Variants in PXDNL observed in about 807,000 individuals in gnomAD.
PXDNL encodes probable oxidoreductase PXDNL.
In PXDNL, 145 loss-of-function variants were observed where a neutral mutation model predicts 150.8. The ratio of observed to expected loss-of-function variants is 0.96; its 90% CI spans 0.84 to 1.10. The LOEUF (loss-of-function observed/expected upper bound fraction) is 1.10, where lower values mean the gene tolerates loss of function less well. Among genes scored for constraint, PXDNL ranks in the 50% least tolerant of loss-of-function variants. The probability of loss-of-function intolerance (pLI) is 0.00; values close to 1 mark genes in which losing one functional copy is unlikely to be tolerated. For missense variants in PXDNL, 2,087 were observed against 1,873.9 expected, an observed-to-expected ratio of 1.11 and a Z score of -2.10; for synonymous variants, 757 against 725.7, an observed-to-expected ratio of 1.04 and a Z score of -0.69.
chr8:51,758,600 C>A (rs2037128218), intron 1 of PXDNL, among the ~76,000 whole-genome samples: 1 of 152,102 alleles, frequency 6.6e-6, no homozygotes, highest in Non-Finnish European at 1.5e-5. Context: ...TTATGCTGTT[C>A]TTGTGATAGT....
At chr8:51,752,874 G>A (rs772419468) in intron 1 of PXDNL, among the ~76,000 whole-genome samples, 2 of 152,196 alleles carry the variant, frequency 1.3e-5, no homozygotes, top group African/African-American at 4.8e-5. Flanking sequence ...TATAAAGTCT[G>A]CTCACAGAGA....
At chr8:51,497,622 A>T (rs1344160099) in intron 5 of PXDNL, among the ~76,000 whole-genome samples, 6 of 152,360 alleles carry the variant, frequency 3.9e-5, no homozygotes, top group Admixed American at 3.9e-4. Context: ...TGGGTGAAGG[A>T]CACGAACAGA....
intron 2 of PXDNL, among the ~76,000 whole-genome samples, chr8:51,626,592 G>A (rs551328737): frequency 3.9e-5 from 6 of 152,184 alleles, no homozygotes; most frequent in East Asian, 1.9e-4. Flanking sequence ...TGCTGCACTC[G>A]GTTTTTACCT....
At chr8:51,418,745 A>C (rs967091960) in intron 14 of PXDNL, among the ~76,000 whole-genome samples, 1 of 152,240 alleles carries the variant, frequency 6.6e-6, no homozygotes, top group African/African-American at 2.4e-5. Flanking sequence ...ACCTAAAGTC[A>C]GCTAACGTAG....
rs368116019 is a variant in PXDNL at position 51,533,557 on chromosome 8, G to T, written c.380+23283C>A. On this transcript the variant is annotated intron_variant, in intron 4 of 22. Transcript: ENST00000356297. ...CTCTGATGCCGAGCCAAAGCTGGAC[G>T]GTACTGCTGCCATCTCGGCTCACTG... Among the ~76,000 whole-genome samples, 203 of 136,800 alleles carry T rather than the reference G, an allele frequency of 1.5e-3. 4 individuals carry two copies. Among genetic ancestry groups the T allele is most frequent in the African/African-American group, 5.6e-3 (197 of 34,994 alleles). 89.7% of individuals were successfully genotyped at this position (136,800 alleles called of 152,430 possible). A position where few individuals can be genotyped will look rare whatever the true frequency, so the allele number is the denominator to read the frequency against.
chr8:51,561,854 A>G (rs1425405965), intron 3 of PXDNL, among the ~76,000 whole-genome samples: 2 of 152,142 alleles, frequency 1.3e-5, no homozygotes, highest in East Asian at 1.9e-4. Context: ...TTAAGATGGT[A>G]CATTTTATGT....
At chr8:51,575,999 A>G (rs1813043296) in intron 3 of PXDNL, among the ~76,000 whole-genome samples, 1 of 151,922 alleles carries the variant, frequency 6.6e-6, no homozygotes, top group Admixed American at 6.6e-5. Context: ...ATGCATCAAG[A>G]AACAGAGCTA....
At chr8:51,705,846 C>CAT (rs1563513194) in intron 1 of PXDNL, among the ~76,000 whole-genome samples, 19 of 147,192 alleles carry the variant, frequency 1.3e-4, no homozygotes, top group African/African-American at 4.3e-4. Flanking sequence ...CGCGCGCGCG[C>CAT]GCGCGCGTGC....
chr8:51,468,791 AT>A (rs1164334978), intron 8 of PXDNL, among the ~76,000 whole-genome samples: 2 of 151,974 alleles, frequency 1.3e-5, no homozygotes, highest in Non-Finnish European at 2.9e-5. Flanking sequence ...AATTCACAGT[AT>A]CACTCTTCAC....
At chr8:51,800,012 C>G (rs1236362387) in intron 1 of PXDNL, among the ~76,000 whole-genome samples, 1 of 152,156 alleles carries the variant, frequency 6.6e-6, no homozygotes, top group Non-Finnish European at 1.5e-5. Context: ...CCTCTTTGAA[C>G]AGGCACATAC....
At chr8:51,716,201 T>A (rs1816613173) in intron 1 of PXDNL, among the ~76,000 whole-genome samples, 1 of 152,230 alleles carries the variant, frequency 6.6e-6, no homozygotes, top group African/African-American at 2.4e-5. Context: ...TGAATTCCCA[T>A]CTGGCAAGAT....
chr8:51,588,594 A>C (rs990679954), intron 3 of PXDNL, among the ~76,000 whole-genome samples: 2 of 152,216 alleles, frequency 1.3e-5, no homozygotes, highest in Non-Finnish European at 2.9e-5. Flanking sequence ...TTCAAAATTA[A>C]TTTCCTGCTA....
At chr8:51,355,562 C>T (rs984177372) in intron 19 of PXDNL, among the ~76,000 whole-genome samples, 2 of 152,132 alleles carry the variant, frequency 1.3e-5, no homozygotes, top group Admixed American at 6.5e-5. Context: ...AAACATCCCA[C>T]CTGCCTTAGG....
Position 51,339,623 on chromosome 8 carries a change from C to A in PXDNL, c.4146+1G>T, listed in dbSNP as rs1419310108. 1 of 1,612,018 alleles carries A rather than the reference C, an allele frequency of 6.2e-7. No homozygotes were observed. The highest frequency in any genetic ancestry group is 1.7e-5 in the Admixed American group (1 of 59,596). ...ACATGTTATTTGAAGAGAAAACAAACCTGCTCTCTGAGTGCTGTGATGGTT... is the reference window on the plus strand; with the variant it reads ...ACATGTTATTTGAAGAGAAAACAAAACTGCTCTCTGAGTGCTGTGATGGTT... On this transcript the variant is annotated splice_donor_variant, in intron 21 of 22. Transcript: ENST00000356297. LOFTEE classifies it high-confidence loss of function.
intron 1 of PXDNL, among the ~76,000 whole-genome samples, chr8:51,733,160 A>G (rs1423135984): frequency 6.6e-6 from 1 of 152,238 alleles, no homozygotes; most frequent in Non-Finnish European, 1.5e-5. Flanking sequence ...TTGCTTTAGA[A>G]CCAAATCCAA....
Position 51,670,231 on chromosome 8 carries a change from C to T in PXDNL, c.165-15471G>A, listed in dbSNP as rs912707553. Among the ~76,000 whole-genome samples the T allele has an allele frequency of 1.7e-4, 19 of 110,204 alleles. 1 individual carries two copies. Among genetic ancestry groups the T allele is most frequent in the Admixed American group, 1.6e-3 (16 of 9,726 alleles). 72.3% of individuals were successfully genotyped at this position (110,204 alleles called of 152,430 possible). A position where few individuals can be genotyped will look rare whatever the true frequency, so the allele number is the denominator to read the frequency against. On this transcript the variant is annotated intron_variant, in intron 1 of 22. Transcript: ENST00000356297. ...AGCCTGAGCAACAAGAGTGAAATTC[C>T]GTCTCACACACACACACACACAAAA...
chr8:51,723,587 T>C (rs1041010120), intron 1 of PXDNL, among the ~76,000 whole-genome samples: 9 of 152,186 alleles, frequency 5.9e-5, no homozygotes, highest in African/African-American at 2.2e-4. Flanking sequence ...ATTGTGTGCA[T>C]TTCCTCAGTC....
intron 3 of PXDNL, among the ~76,000 whole-genome samples, chr8:51,570,136 A>G (rs1374227597): frequency 6.7e-6 from 1 of 149,734 alleles, no homozygotes; most frequent in African/African-American, 2.5e-5. Context: ...TCATATATTA[A>G]AAAAGTTTAA....
chr8:51,466,514 C>A (rs1404841976), intron 8 of PXDNL, among the ~76,000 whole-genome samples: 3 of 152,048 alleles, frequency 2.0e-5, no homozygotes, highest in Non-Finnish European at 4.4e-5. Context: ...GTCCTCAAAG[C>A]AATTGCAATG....
Sources: gnomAD v4.1 joint callset for allele counts (sites outside exome capture counted in the v4.1 genomes callset) on GRCh38, gnomAD v4.1.1 for gene constraint, MANE v1.5 for transcripts, NCBI Gene and HGNC (gene_info 2026-07-23, HGNC 2026-07-21) for gene names.